FSIP1: variants seen among roughly 807,000 people sequenced by gnomAD.
FSIP1 encodes the protein fibrous sheath-interacting protein 1.
FSIP1 carries 65 observed loss-of-function variants against 60.9 expected under a neutral mutation model. The ratio of observed to expected loss-of-function variants is 1.07; its 90% CI spans 0.87 to 1.31. The LOEUF (loss-of-function observed/expected upper bound fraction) is 1.31, where lower values mean the gene tolerates loss of function less well. FSIP1 is among the 40% of genes most tolerant of loss of function. The probability of loss-of-function intolerance (pLI) is 0.00; values close to 1 mark genes in which losing one functional copy is unlikely to be tolerated. For missense variants in FSIP1, 675 were observed against 665.5 expected (o/e 1.01, Z -0.16); for synonymous variants, 209 against 221.2 (o/e 0.94, Z 0.49).
At chr15:39,780,155 T>C (rs369036731) in intron 1 of FSIP1, among the ~76,000 whole-genome samples, 2 of 152,210 alleles carry the variant, frequency 1.3e-5, no homozygotes, top group African/African-American at 4.8e-5. Flanking sequence ...CTATCTTTTA[T>C]ACCCATCGAC....
At chr15:39,643,772 A>G (rs1422662087) in intron 10 of FSIP1, among the ~76,000 whole-genome samples, 2 of 152,262 alleles carry the variant, frequency 1.3e-5, no homozygotes, top group South Asian at 2.1e-4. Flanking sequence ...AAGTTGCTAC[A>G]TCCATAACAA....
chr15:39,606,123 G>T (rs1235129857), intron 11 of FSIP1, among the ~76,000 whole-genome samples: 1 of 152,160 alleles, frequency 6.6e-6, no homozygotes, highest in Non-Finnish European at 1.5e-5. Flanking sequence ...TAACTAATCT[G>T]CTCTTTGGTT....
At position 39,618,218 on chromosome 15, in the gene FSIP1, C is replaced by A; in HGVS notation, c.1216G>T (p.Glu406Ter). The A allele has an allele frequency of 6.2e-7, 1 of 1,608,994 alleles. No individual in the cohort carries two copies. The highest frequency in any genetic ancestry group is 1.1e-5 in the South Asian group (1 of 90,904). ...TCATCCAGAAGACACTTTAACTGTT[C>A]TTCAGAGAGACATGATGTGGACTCT... ...VLESTSCLSE[E>*]QLKCLLDECI... The change falls in exon 11 of 12, where the codon GAA becomes TAA. Residue 406 changes from glutamate to a stop codon, truncating the protein, a stop_gained. Transcript: ENST00000350221. LOFTEE classifies it high-confidence loss of function.
chr15:39,624,323 T>C (rs1280572425), intron 10 of FSIP1, among the ~76,000 whole-genome samples: 2 of 152,202 alleles, frequency 1.3e-5, no homozygotes. Flanking sequence ...GATGGAAGTG[T>C]TTCCAAACTT....
At chr15:39,664,677 C>T (rs1445068798) in intron 10 of FSIP1, among the ~76,000 whole-genome samples, 1 of 152,072 alleles carries the variant, frequency 6.6e-6, no homozygotes, top group East Asian at 1.9e-4. Flanking sequence ...GTAAGAGCTC[C>T]CCCAATCCCC....
intron 9 of FSIP1, among the ~76,000 whole-genome samples, chr15:39,725,473 A>C (rs1161733075): frequency 2.0e-5 from 3 of 152,184 alleles, no homozygotes; most frequent in Non-Finnish European, 4.4e-5. Context: ...GGTTGCTTCA[A>C]CTGGCATGAA....
intron 10 of FSIP1, among the ~76,000 whole-genome samples, chr15:39,638,670 C>T (rs1012762794): frequency 1.3e-5 from 2 of 151,972 alleles, no homozygotes; most frequent in African/African-American, 4.8e-5. Flanking sequence ...AGACAAATAA[C>T]TTAACAAAAT....
chr15:39,751,424 C>T (rs1275993753), intron 5 of FSIP1, among the ~76,000 whole-genome samples: 15 of 140,778 alleles, frequency 1.1e-4, no homozygotes, highest in Non-Finnish European at 2.4e-4. Context: ...CATAAACACA[C>T]ACACACACAC....
chr15:39,732,236 G>T, intron 8 of FSIP1, among the ~76,000 whole-genome samples: 1 of 152,134 alleles, frequency 6.6e-6, no homozygotes, highest in East Asian at 1.9e-4. Flanking sequence ...CATCCCCTCC[G>T]GCTGTGCAGC....
chr15:39,690,635 T>C (rs923387799), intron 10 of FSIP1, among the ~76,000 whole-genome samples: 1 of 152,206 alleles, frequency 6.6e-6, no homozygotes, highest in Non-Finnish European at 1.5e-5. Flanking sequence ...GAGTCCAAGA[T>C]GAGTCCACAT....
intron 3 of FSIP1, among the ~76,000 whole-genome samples, chr15:39,767,777 G>A (rs1012364698): frequency 6.6e-6 from 1 of 152,136 alleles, no homozygotes; most frequent in Non-Finnish European, 1.5e-5. Context: ...GACTCCAGGG[G>A]AAGACCACCT....
In FSIP1 at chr15:39,776,705, T is replaced by G. The variant is rs913449261; in HGVS notation, c.-7-174A>C. ...AAAGACATCTTGTGTACATGGATTG[T>G]TCAATCTTATGCCACAGTATGCATA... On this transcript the variant is annotated intron_variant, in intron 1 of 11. Coordinates refer to ENST00000350221, the MANE Select transcript of FSIP1 (RefSeq NM_152597.5). 2.0e-5 allele frequency among the ~76,000 whole-genome samples: 3 copies of G among 152,294 alleles called. No homozygotes were observed. In the East Asian group the frequency reaches 5.8e-4, roughly 29 times the overall value.
At chr15:39,674,906 T>C (rs772049887) in intron 10 of FSIP1, among the ~76,000 whole-genome samples, 1 of 152,044 alleles carries the variant, frequency 6.6e-6, no homozygotes, top group Non-Finnish European at 1.5e-5. Flanking sequence ...GGAAAAAAGC[T>C]ACAAACTGGG....
chr15:39,641,771 A>G (rs1892381235), intron 10 of FSIP1, among the ~76,000 whole-genome samples: 1 of 152,224 alleles, frequency 6.6e-6, no homozygotes, highest in Non-Finnish European at 1.5e-5. Flanking sequence ...GCGCAAGACT[A>G]TAACGTAAGC....
chr15:39,719,167 A>G (rs768163998), intron 9 of FSIP1, among the ~76,000 whole-genome samples: 5 of 152,198 alleles, frequency 3.3e-5, no homozygotes, highest in Admixed American at 6.5e-5. Flanking sequence ...GCCCAGCTGC[A>G]AAAAGCTCTG....
In FSIP1 at chr15:39,770,496, T is replaced by G; in HGVS notation, c.241A>C (p.Lys81Gln). 1.2e-6 allele frequency: 2 copies of G among 1,612,142 alleles called. No individual in the cohort carries two copies. Among genetic ancestry groups the G allele is most frequent in the Non-Finnish European group, 1.7e-6 (2 of 1,179,716 alleles). Residue 81 changes from lysine to glutamine, a missense_variant, in exon 3 of 12, where the codon AAA (lysine) becomes CAA (glutamine). Transcript: ENST00000350221. Reference protein sequence around the residue: ...DKQESCSEKIKLAEEGSDEDL... With the variant: ...DKQESCSEKIQLAEEGSDEDL... ...TCATCTGATCCCTCTTCAGCCAATT[T>G]TATTTTCTCAGAGCAGCTTTCCTGC...
chr15:39,605,183 AG>A (rs1261515524), intron 11 of FSIP1, among the ~76,000 whole-genome samples: 1 of 152,218 alleles, frequency 6.6e-6, no homozygotes, highest in Non-Finnish European at 1.5e-5. Flanking sequence ...TAACATACTT[AG>A]CTTTCTTTCA....
chr15:39,760,721 G>A (rs1457693533), intron 5 of FSIP1, among the ~76,000 whole-genome samples: 1 of 152,066 alleles, frequency 6.6e-6, no homozygotes, highest in Non-Finnish European at 1.5e-5. Flanking sequence ...TCTTGGATTG[G>A]ATACTAGTAA....
At chr15:39,777,083 C>T (rs532259730) in intron 1 of FSIP1, among the ~76,000 whole-genome samples, 3 of 152,090 alleles carry the variant, frequency 2.0e-5, no homozygotes, top group Non-Finnish European at 2.9e-5. Flanking sequence ...CCCGCCACCA[C>T]GCCCAGCTAA....
Sources: allele counts gnomAD v4.1 joint callset (sites outside exome capture counted in the v4.1 genomes callset), GRCh38; gene constraint gnomAD v4.1.1; transcripts MANE v1.5; gene names NCBI Gene and HGNC (gene_info 2026-07-23, HGNC 2026-07-21).